The following GALNT2 variants were observed in gnomAD, a reference collection of about 807,000 sequenced individuals.
The protein encoded by GALNT2 is UDP-GalNAc:polypeptide N-acetylgalactosaminyltransferase 2.
A neutral mutation model predicts 81.4 loss-of-function variants in GALNT2; 31 were observed. The ratio of observed to expected loss-of-function variants is 0.38; its 90% CI spans 0.29 to 0.51. The LOEUF (loss-of-function observed/expected upper bound fraction) is 0.51, where lower values mean the gene tolerates loss of function less well. Among genes scored for constraint, GALNT2 ranks in the 20% least tolerant of loss-of-function variants. The pLI is 0.87. For synonymous variants in GALNT2, 303 were observed against 287.4 expected, an observed-to-expected ratio of 1.05 and a Z score of -0.55; for missense variants, 629 against 765.7, an observed-to-expected ratio of 0.82 and a Z score of 2.11.
At chr1:230,074,678 G>C (rs1323606059) in intron 1 of GALNT2, among the ~76,000 whole-genome samples, 1 of 152,216 alleles carries the variant, frequency 6.6e-6, no homozygotes, top group Non-Finnish European at 1.5e-5. Flanking sequence ...GTGAACCACT[G>C]TGGGGAGGGC....
chr1:230,154,387 C>A (rs1397909443), intron 1 of GALNT2, among the ~76,000 whole-genome samples: 1 of 152,154 alleles, frequency 6.6e-6, no homozygotes, highest in Non-Finnish European at 1.5e-5. Context: ...AAGAAATAAT[C>A]TTGAGTCAGA....
chr1:230,107,575 TA>T (rs5781564), intron 1 of GALNT2, among the ~76,000 whole-genome samples: 52 of 146,040 alleles, frequency 3.6e-4, no homozygotes, highest in African/African-American at 8.3e-4. Flanking sequence ...GCAAGAATGT[TA>T]AAAAAAAAAA....
At chr1:230,109,282 G>T (rs1481068204) in intron 1 of GALNT2, among the ~76,000 whole-genome samples, 1 of 152,200 alleles carries the variant, frequency 6.6e-6, no homozygotes, top group African/African-American at 2.4e-5. Context: ...GGGTGGGGTG[G>T]CGGCTGCAGC....
rs552953767 is a variant in GALNT2, at chr1:230,175,144, G to T, written c.127-3074G>T. On this transcript the variant is annotated intron_variant, in intron 1 of 15. Transcript: ENST00000366672. ...CAAGACAAGCATCTACAGACCAGTG[G>T]TGGGTTGAGTGTGGGTGCTCCATCA... 5.9e-5 allele frequency among the ~76,000 whole-genome samples: 9 copies of T among 152,342 alleles called. 1 individual carries two copies. Among genetic ancestry groups the T allele is most frequent in the African/African-American group, 2.2e-4 (9 of 41,590 alleles).
At chr1:230,173,365 A>G (rs1206584914) in intron 1 of GALNT2, among the ~76,000 whole-genome samples, 1 of 152,274 alleles carries the variant, frequency 6.6e-6, no homozygotes, top group Non-Finnish European at 1.5e-5. Context: ...AACTTCCCTG[A>G]TGGAATGCAG....
intron 1 of GALNT2, among the ~76,000 whole-genome samples, chr1:230,083,945 G>A (rs1179283590): frequency 6.6e-6 from 1 of 152,140 alleles, no homozygotes; most frequent in Admixed American, 6.5e-5. Flanking sequence ...GGAGGAGCTG[G>A]AGCCGTGGAC....
chr1:230,261,598 C>T (rs77146331), intron 11 of GALNT2, among the ~76,000 whole-genome samples: 1 of 152,230 alleles, frequency 6.6e-6, no homozygotes, highest in African/African-American at 2.4e-5. Flanking sequence ...CTGCTGATAC[C>T]TATGCAGATG....
chr1:230,140,459 T>C (rs938723300), intron 1 of GALNT2, among the ~76,000 whole-genome samples: 3 of 152,192 alleles, frequency 2.0e-5, no homozygotes, highest in African/African-American at 7.2e-5. Flanking sequence ...GAGTGGTCCC[T>C]GTCCTACTGA....
At position 230,070,835 on chromosome 1, in the gene GALNT2, T is replaced by C. The variant is rs1659349494; in HGVS notation, c.126+3429T>C. On this transcript the variant is annotated intron_variant, in intron 1 of 15. Transcript: ENST00000366672. The surrounding 1 kb of genome is among the most constrained non-coding windows in gnomAD (Gnocchi z 4.7). ...TTGTAACGGGCTTCAAATGCCAAGC[T>C]GAACCATTTGGGAACTAGTAATGTT... Among the ~76,000 whole-genome samples, 1 of 152,224 alleles carries C rather than the reference T, an allele frequency of 6.6e-6. No homozygotes were observed. The highest frequency in any genetic ancestry group is 1.5e-5 in the Non-Finnish European group (1 of 68,042).
chr1:230,067,211 A>C, upstream of GALNT2: 2 of 1,026,680 alleles, frequency 1.9e-6, no homozygotes, highest in Non-Finnish European at 2.4e-6. Flanking sequence ...CCCGGCCCCC[A>C]CCGCGCCCGC....
intron 11 of GALNT2, chr1:230,259,705 A>C (rs1020346488): frequency 1.6e-4 from 24 of 152,254 alleles, no homozygotes; most frequent in African/African-American, 5.5e-4. Flanking sequence ...CTGCTTCTGC[A>C]TGGATGGGTC....
chr1:230,144,304 A>G (rs2102827884), intron 1 of GALNT2, among the ~76,000 whole-genome samples: 1 of 152,342 alleles, frequency 6.6e-6, no homozygotes, highest in South Asian at 2.1e-4. Flanking sequence ...ACATGGAGAC[A>G]GTAGTTAGTA....
At chr1:230,164,317 A>G (rs907359344) in intron 1 of GALNT2, among the ~76,000 whole-genome samples, 1 of 152,106 alleles carries the variant, frequency 6.6e-6, no homozygotes, top group African/African-American at 2.4e-5. Flanking sequence ...TTGCCCGTAC[A>G]TGCACTGTCA....
intron 1 of GALNT2, among the ~76,000 whole-genome samples, chr1:230,140,549 G>T (rs1178452146): frequency 6.6e-6 from 1 of 152,202 alleles, no homozygotes; most frequent in Non-Finnish European, 1.5e-5. Context: ...GGAACCGGGA[G>T]TACTGTCAGT....
intron 2 of GALNT2, 135 bp from the exon 3 acceptor site, chr1:230,203,002 A>T: frequency 2.2e-6 from 2 of 908,254 alleles, no homozygotes; most frequent in Non-Finnish European, 3.4e-6. Context: ...GTTTTCAGCT[A>T]GTTTGTTGTT....
intron 13 of GALNT2, chr1:230,263,664 G>A (rs16851270): frequency 0.1 from 16,002 of 152,422 alleles, 901 homozygotes; most frequent in Middle Eastern, 0.15. Flanking sequence ...CTCGTGAGAA[G>A]ACCTATAGAT....
chr1:230,249,896 G>A (rs1289306948), intron 9 of GALNT2, among the ~76,000 whole-genome samples: 3 of 152,164 alleles, frequency 2.0e-5, no homozygotes, highest in African/African-American at 4.8e-5. Context: ...CACTGAATTC[G>A]CACAGCATCG....
At chr1:230,083,400 A>AGGGAGCGGGATGATGGAGCG (rs1659805757) in intron 1 of GALNT2, among the ~76,000 whole-genome samples, 1 of 131,148 alleles carries the variant, frequency 7.6e-6, no homozygotes, top group South Asian at 2.7e-4. Context: ...ATGATGGAGC[A>AGGGAGCGGGATGATGGAGCG]GGGAGCGGGA....
rs929861420 is a variant in GALNT2, at chr1:230,275,983, G to A, written c.1560+1419G>A. On this transcript the variant is annotated intron_variant, in intron 15 of 15. Coordinates refer to ENST00000366672, the MANE Select transcript of GALNT2 (RefSeq NM_004481.5). The surrounding 1 kb of genome is among the most constrained non-coding windows in gnomAD (Gnocchi z 5.5). ...ATATATACATGCCACATATATATACGTATATATACATGCCACATATATATA... is the reference window on the plus strand; with the variant it reads ...ATATATACATGCCACATATATATACATATATATACATGCCACATATATATA... 3.2e-5 allele frequency among the ~76,000 whole-genome samples: 2 copies of A among 62,824 alleles called. No individual in the cohort carries two copies. The highest frequency in any genetic ancestry group is 5.1e-4 in the South Asian group (1 of 1,966). 41.2% of individuals were successfully genotyped at this position (62,824 alleles called of 152,430 possible).
Sources: allele counts gnomAD v4.1 joint callset (sites outside exome capture counted in the v4.1 genomes callset), GRCh38; gene constraint gnomAD v4.1.1; non-coding constraint Gnocchi (gnomAD v3.1); transcripts MANE v1.5; gene names NCBI Gene and HGNC (gene_info 2026-07-23, HGNC 2026-07-21).